The following ELL variants were observed in gnomAD, a reference collection of about 807,000 sequenced individuals.
ELL encodes the protein RNA polymerase II elongation factor ELL.
Under a neutral mutation model 64.0 loss-of-function variants are expected in ELL, and 18 were observed. That is an observed-to-expected ratio of 0.28 (90% CI 0.19 to 0.42). The LOEUF (loss-of-function observed/expected upper bound fraction) is 0.42, where lower values mean the gene tolerates loss of function less well. Ranked by LOEUF, ELL falls within the 10% of genes least tolerant of loss-of-function variation. ELL has a pLI of 1.00. For missense variants in ELL, 797 were observed against 870.4 expected (o/e 0.92, Z 1.06); for synonymous variants, 399 against 376.2 (o/e 1.06, Z -0.70).
At position 18,450,948 on chromosome 19, in the gene ELL, C is replaced by T. The variant is rs368841070; in HGVS notation, c.994G>A (p.Asp332Asn). ...CGGGGTTTCTTGTTGGCTAGGGGGT[C>T]GATGAAATCAGGAGGCTGCAGCCGC... ...QKRLQPPDFI[D>N]PLANKKPRIS... The change falls in exon 8 of 12, where the codon GAC becomes AAC. Residue 332 changes from aspartate to asparagine, a missense_variant. Asp to Asn is a conservative substitution (Grantham distance 23, BLOSUM62 1). Transcript: ENST00000262809. 29 of 1,528,136 alleles carry T rather than the reference C, an allele frequency of 1.9e-5. No individual in the cohort carries two copies. Among genetic ancestry groups the T allele is most frequent in the Middle Eastern group, 1.8e-4 (1 of 5,662 alleles). The allele number at this position is 1,528,136 out of a possible 1,614,324, so 94.7% of individuals were successfully genotyped here.
Position 18,465,903 on chromosome 19 carries a change from G to C in ELL, c.199C>G (p.Gln67Glu), listed in dbSNP as rs1054854461. Reference protein sequence around the residue: ...QGSQGHISIPQPDCPAEARTF... With the variant: ...QGSQGHISIPEPDCPAEARTF... ...CGCGCCTCTGCGGGGCAGTCAGGCTGGGGGATGGAGATGTGCTGCGTGGAG... is the reference window on the plus strand; with the variant it reads ...CGCGCCTCTGCGGGGCAGTCAGGCTCGGGGATGGAGATGTGCTGCGTGGAG... The change falls in exon 3 of 12, where the codon CAG (glutamine) becomes GAG (glutamate). Residue 67 changes from glutamine (Q) to glutamate (E), a missense_variant. Coordinates refer to ENST00000262809, the MANE Select transcript of ELL (RefSeq NM_006532.4). 7.5e-7 allele frequency: 1 copy of C among 1,325,268 alleles called. No homozygotes were observed. The highest frequency in any genetic ancestry group is 2.8e-5 in the East Asian group (1 of 35,748). 82.1% of individuals were successfully genotyped at this position (1,325,268 alleles called of 1,614,324 possible). A position where few individuals can be genotyped will look rare whatever the true frequency, so the allele number is the denominator to read the frequency against.
intron 2 of ELL, 51 bp from the exon 3 acceptor site, chr19:18,465,969 C>A: frequency 2.4e-6 from 3 of 1,259,018 alleles, no homozygotes; most frequent in African/African-American, 1.5e-5. Flanking sequence ...CAGGACAGGT[C>A]CCCAGCCTGC....
At chr19:18,491,759 A>G (rs1975538511) in intron 1 of ELL, among the ~76,000 whole-genome samples, 1 of 152,090 alleles carries the variant, frequency 6.6e-6, no homozygotes, top group South Asian at 2.1e-4. Context: ...TACAAAAAAA[A>G]ACAAAAGATT....
chr19:18,449,291 C>T lies in ELL; in HGVS notation c.1465+1186G>A, dbSNP rs982236171. On this transcript the variant is annotated intron_variant, in intron 8 of 11. Transcript: ENST00000262809. This position sits in a 1 kb window ranked among gnomAD's most constrained non-coding sequence, Gnocchi z 4.4. The stretch of plus-strand genomic sequence containing the variant: ...GGCAGATCCTGCCATTTGATCGTGG[C>T]CCAGGTCTGGCTGTGGGGTGTGGGT... Among the ~76,000 whole-genome samples the T allele has an allele frequency of 1.3e-5, 2 of 152,060 alleles. No homozygotes were observed. Among genetic ancestry groups the T allele is most frequent in the Non-Finnish European group, 2.9e-5 (2 of 68,006 alleles).
intron 10 of ELL, 61 bp downstream of exon 10, chr19:18,446,248 G>A (rs1325684336): frequency 3.6e-5 from 53 of 1,469,736 alleles, no homozygotes; most frequent in African/African-American, 5.7e-5. Context: ...GATGGTGCGC[G>A]CCCAAGTGGG....
At chr19:18,488,831 T>G (rs1202611003) in intron 1 of ELL, among the ~76,000 whole-genome samples, 1 of 152,158 alleles carries the variant, frequency 6.6e-6, no homozygotes, top group Non-Finnish European at 1.5e-5. Flanking sequence ...CACAGGACTC[T>G]CCCAAAATGA....
intron 1 of ELL, among the ~76,000 whole-genome samples, chr19:18,513,176 C>T (rs889336187): frequency 9.9e-5 from 15 of 152,144 alleles, no homozygotes; most frequent in African/African-American, 3.6e-4. Context: ...CCTCATACTC[C>T]AGGCTCCACT....
At position 18,501,845 on chromosome 19, in the gene ELL, G is replaced by A. The variant is rs929319664; in HGVS notation, c.135+20076C>T. 4.6e-5 allele frequency among the ~76,000 whole-genome samples: 7 copies of A among 152,202 alleles called. No homozygotes were observed. The highest frequency in any genetic ancestry group is 1.0e-4 in the Non-Finnish European group (7 of 68,040). On this transcript the variant is annotated intron_variant, in intron 1 of 11. Coordinates refer to ENST00000262809, the MANE Select transcript of ELL (RefSeq NM_006532.4). The surrounding 1 kb of genome is among the most constrained non-coding windows in gnomAD (Gnocchi z 4.5). ...CAGCTACGTGTCTGCGGGTGGGCAG[G>A]AAGGAGGGGAGGCAGCATGGGCACC...
intron 9 of ELL, 30 bp downstream of exon 9, chr19:18,446,718 C>G: frequency 6.2e-7 from 1 of 1,613,268 alleles, no homozygotes. Flanking sequence ...AAAGGGAGGC[C>G]TGGCCTGCAG....
chr19:18,445,954 G>C (rs1974405309), intron 10 of ELL, among the ~76,000 whole-genome samples: 2 of 152,176 alleles, frequency 1.3e-5, no homozygotes, highest in South Asian at 4.1e-4. Context: ...AGTCTCCTGA[G>C]GGTTTGGCAC....
intron 1 of ELL, among the ~76,000 whole-genome samples, chr19:18,517,534 A>G (rs1976154499): frequency 6.6e-6 from 1 of 151,468 alleles, no homozygotes; most frequent in African/African-American, 2.4e-5. Flanking sequence ...TACAGGTGTG[A>G]GCCACCACGC....
At position 18,446,401 on chromosome 19, in the gene ELL, C is replaced by T. The variant is rs765155656; in HGVS notation, c.1612G>A (p.Asp538Asn). Residue 538 changes from aspartate (D) to asparagine (N), a missense_variant, in exon 10 of 12, where the codon GAC becomes AAC. By Grantham distance (23) the Asp-to-Asn change is conservative. Coordinates refer to ENST00000262809, the MANE Select transcript of ELL (RefSeq NM_006532.4). The stretch of plus-strand genomic sequence containing the variant: ...ATGCGCTCAATGCGGGCGTGCAGGT[C>T]GCGGTACTCGCTGTACTCGGCATTG... ...DFNAEYSEYR[D>N]LHARIERITR... is the part of the protein sequence containing the mutation. 2.5e-6 allele frequency: 4 copies of T among 1,612,286 alleles called. No homozygotes were observed. The Admixed American group carries it at 5.0e-5, about 20-fold the overall frequency.
intron 1 of ELL, among the ~76,000 whole-genome samples, chr19:18,492,785 C>CA (rs1323578898): frequency 6.6e-6 from 1 of 152,124 alleles, no homozygotes; most frequent in Non-Finnish European, 1.5e-5. Flanking sequence ...CAGCCAGGCC[C>CA]AGGCCCAGCT....
At chr19:18,504,396 TC>T (rs1975841948) in intron 1 of ELL, among the ~76,000 whole-genome samples, 1 of 152,182 alleles carries the variant, frequency 6.6e-6, no homozygotes, top group Non-Finnish European at 1.5e-5. Context: ...TTGCTAAATT[TC>T]CCCTACATTT....
intron 4 of ELL, among the ~76,000 whole-genome samples, chr19:18,463,295 T>C (rs1336260193): frequency 2.7e-5 from 4 of 148,792 alleles, no homozygotes; most frequent in Admixed American, 2.7e-4. Context: ...AGGGGGGCAC[T>C]GTGAGACAGA....
intron 6 of ELL, among the ~76,000 whole-genome samples, chr19:18,457,013 G>A (rs1161489661): frequency 6.6e-6 from 1 of 151,544 alleles, no homozygotes; most frequent in Non-Finnish European, 1.5e-5. Flanking sequence ...CACCTTCTAT[G>A]TGGTTATGGC....
intron 1 of ELL, among the ~76,000 whole-genome samples, chr19:18,491,537 T>A (rs891058660): frequency 6.6e-6 from 1 of 152,140 alleles, no homozygotes; most frequent in African/African-American, 2.4e-5. Flanking sequence ...ACATCCACTG[T>A]AACCTAGGTC....
intron 10 of ELL, among the ~76,000 whole-genome samples, chr19:18,445,658 G>T (rs556087195): frequency 2.0e-4 from 30 of 152,298 alleles, no homozygotes; most frequent in African/African-American, 7.0e-4. Context: ...GTCTTTGGAA[G>T]GCAAAGGGGC....
At chr19:18,464,908 T>A (rs1220619701) in intron 4 of ELL, among the ~76,000 whole-genome samples, 2 of 152,206 alleles carry the variant, frequency 1.3e-5, no homozygotes, top group African/African-American at 4.8e-5. Flanking sequence ...CAGTGCTGGG[T>A]CGCTGGCAAC....
Sources: gnomAD v4.1 joint callset for allele counts (sites outside exome capture counted in the v4.1 genomes callset) on GRCh38, gnomAD v4.1.1 for gene constraint, Gnocchi (gnomAD v3.1) non-coding constraint, MANE v1.5 for transcripts, NCBI Gene and HGNC (gene_info 2026-07-23, HGNC 2026-07-21) for gene names.